The following CA3 variants were observed in gnomAD, a reference collection of about 807,000 sequenced individuals.
CA3 encodes the protein carbonic anhydrase 3.
CA3 carries 30 observed loss-of-function variants against 35.7 expected under a neutral mutation model. That is an observed-to-expected ratio of 0.84 (90% CI 0.63 to 1.14). CA3 has a LOEUF of 1.14. CA3 is among the 50% of genes most tolerant of loss of function. CA3 has a pLI of 0.00. For synonymous variants in CA3, 131 were observed against 130.8 expected (o/e 1.00, Z -0.01); for missense variants, 295 against 328.5 (o/e 0.90, Z 0.79).
chr8:85,445,084 A>G, intron 4 of CA3, 72 bp from the exon 5 acceptor site: 1 of 990,468 alleles, frequency 1.0e-6, no homozygotes, highest in South Asian at 1.5e-5. Context: ...GATGGATCAA[A>G]ATCAGCTTTG....
At chr8:85,440,948 G>T (rs1420478182) in intron 2 of CA3, among the ~76,000 whole-genome samples, 1 of 152,146 alleles carries the variant, frequency 6.6e-6, no homozygotes, top group Non-Finnish European at 1.5e-5. Context: ...ATATGAAAAT[G>T]CCATTTTTGT....
intron 6 of CA3, among the ~76,000 whole-genome samples, chr8:85,446,621 G>T (rs1296546091): frequency 6.6e-6 from 1 of 152,208 alleles, no homozygotes; most frequent in Non-Finnish European, 1.5e-5. Flanking sequence ...CTGAGCACTG[G>T]TAAGGAGATG....
chr8:85,447,791 C>T lies in CA3; in HGVS notation c.664-243C>T, dbSNP rs145268726. Among the ~76,000 whole-genome samples, 311 of 152,138 alleles carry T rather than the reference C, an allele frequency of 2.0e-3. 1 individual carries two copies. Among genetic ancestry groups the T allele is most frequent in the African/African-American group, 6.9e-3 (285 of 41,496 alleles). On this transcript the variant is annotated intron_variant, in intron 6 of 6. Coordinates refer to ENST00000285381, the MANE Select transcript of CA3 (RefSeq NM_005181.4). ...GTGAACACCTGTAATCCCAGCTATT[C>T]GGGAGGCTGAGGCAGGAGAATCGCT...
At position 85,440,663 on chromosome 8, in the gene CA3, T is replaced by C. The variant is rs920229469; in HGVS notation, c.232+754T>C. 3.9e-5 allele frequency among the ~76,000 whole-genome samples: 6 copies of C among 152,342 alleles called. No homozygotes were observed. In the East Asian group the frequency reaches 1.2e-3, roughly 29 times the overall value. ...AAGAAAGAATCTTCCTTTAATATTT[T>C]GGTGCTTGATATACAGCAAAATAAT... On this transcript the variant is annotated intron_variant, in intron 2 of 6. Coordinates refer to ENST00000285381, the MANE Select transcript of CA3 (RefSeq NM_005181.4).
chr8:85,447,987 CA>C, intron 6 of CA3, 46 bp from the exon 7 acceptor site: 7 of 1,580,176 alleles, frequency 4.4e-6, no homozygotes, highest in Non-Finnish European at 6.0e-6. Flanking sequence ...GTAGTGTGTC[CA>C]GTTGATCCGA....
In CA3 at chr8:85,442,091, T is replaced by C; in HGVS notation, c.251T>C (p.Leu84Pro). 1 of 1,564,364 alleles carries C rather than the reference T, an allele frequency of 6.4e-7. No homozygotes were observed. The highest frequency in any genetic ancestry group is 8.8e-7 in the Non-Finnish European group (1 of 1,134,548). ...YDRSMLRGGPLPGPYRLRQFH... is the reference protein window; with the variant it reads ...YDRSMLRGGPPPGPYRLRQFH... The stretch of plus-strand genomic sequence containing the variant: ...ATCACAGTGCTGAGAGGGGGTCCTC[T>C]CCCTGGACCCTACCGACTTCGCCAG... The change falls in exon 3 of 7, where the codon CTC becomes CCC. Residue 84 changes from leucine (L) to proline (P), a missense_variant. Leu to Pro is a moderately conservative substitution (Grantham distance 98). Coordinates refer to ENST00000285381, the MANE Select transcript of CA3 (RefSeq NM_005181.4).
At chr8:85,446,527 G>A (rs569259638) in intron 6 of CA3, among the ~76,000 whole-genome samples, 28 of 152,228 alleles carry the variant, frequency 1.8e-4, no homozygotes, top group Non-Finnish European at 3.4e-4. Context: ...TTTTGATACC[G>A]AACATGACTG....
At position 85,439,786 on chromosome 8, in the gene CA3, G is replaced by C; in HGVS notation, c.109G>C (p.Asp37His). ...NQSPVELHTK[D>H]IRHDPSLQPW... is the part of the protein sequence containing the mutation. ...GTCGCCCGTTGAGCTGCATACTAAA[G>C]ACATCAGGCATGACCCTTCTCTGCA... is the stretch of plus-strand genomic sequence containing the variant. The change falls in exon 2 of 7, where the codon GAC (aspartate) becomes CAC (histidine). Residue 37 changes from aspartate to histidine, a missense_variant. Transcript: ENST00000285381. 1 of 1,614,076 alleles carries C rather than the reference G, an allele frequency of 6.2e-7. No homozygotes were observed. Among genetic ancestry groups the C allele is most frequent in the Non-Finnish European group, 8.5e-7 (1 of 1,179,960 alleles).
At chr8:85,446,385 T>A in intron 6 of CA3, 88 bp downstream of exon 6, 1 of 1,436,252 alleles carries the variant, frequency 7.0e-7, no homozygotes, top group South Asian at 1.3e-5. Context: ...AGCTACTAAC[T>A]GGATACTCAC....
chr8:85,442,204 GC>G lies in CA3; in HGVS notation c.351+15del. 1 of 1,322,900 alleles carries G rather than the reference GC, an allele frequency of 7.6e-7. No homozygotes were observed. The highest frequency in any genetic ancestry group is 1.1e-6 in the Non-Finnish European group (1 of 914,094). 81.9% of individuals were successfully genotyped at this position (1,322,900 alleles called of 1,614,324 possible). ...GTATGCAGCGGAGGTAAGAGGAACT[GC>G]CATAATCCATTCTCGGTCTCATACA... On this transcript the variant is annotated intron_variant, in intron 3 of 6. Coordinates refer to ENST00000285381, the MANE Select transcript of CA3 (RefSeq NM_005181.4).
intron 2 of CA3, chr8:85,441,775 A>G (rs1408377727): frequency 2.9e-6 from 1 of 345,644 alleles, no homozygotes; most frequent in East Asian, 6.6e-5. Flanking sequence ...CTTTGGGTGT[A>G]TGCATCCTCA....
At position 85,439,841 on chromosome 8, in the gene CA3, C is replaced by T. The variant is rs1371351035; in HGVS notation, c.164C>T (p.Ser55Phe). ...QPWSVSYDGG[S>F]AKTILNNGKT... The stretch of plus-strand genomic sequence containing the variant: ...TGGTCTGTGTCTTATGATGGTGGCT[C>T]TGCCAAGACCATCCTGAATAATGGG... The change falls in exon 2 of 7, where the codon TCT becomes TTT. Residue 55 changes from serine (S) to phenylalanine (F), a missense_variant. Transcript: ENST00000285381. 3 of 1,613,874 alleles carry T rather than the reference C, an allele frequency of 1.9e-6. No individual in the cohort carries two copies. Among genetic ancestry groups the T allele is most frequent in the Non-Finnish European group, 2.5e-6 (3 of 1,180,018 alleles).
At chr8:85,445,870 T>A (rs1352226497) in intron 5 of CA3, among the ~76,000 whole-genome samples, 1 of 152,212 alleles carries the variant, frequency 6.6e-6, no homozygotes, top group Non-Finnish European at 1.5e-5. Flanking sequence ...TTCTCCTTTT[T>A]CTTGAGTGAT....
chr8:85,445,336 G>C, intron 5 of CA3, 118 bp downstream of exon 5: 2 of 599,036 alleles, frequency 3.3e-6, no homozygotes, highest in Non-Finnish European at 5.8e-6. Context: ...GATATGCTAA[G>C]CATACATATA....
In CA3 at chr8:85,448,902, A is replaced by G. The variant is rs1485428081; in HGVS notation, c.*749A>G. On this transcript the variant is annotated 3_prime_UTR_variant, in exon 7 of 7. Transcript: ENST00000285381. ...CTACATTTTTCTTTGCATGATTATT[A>G]AAATAAAAACTGCCTCTGTTGTGTT... 6.6e-6 allele frequency: 1 copy of G among 152,208 alleles called. No homozygotes were observed. The highest frequency in any genetic ancestry group is 1.9e-4 in the East Asian group (1 of 5,196). 9.4% of individuals were successfully genotyped at this position (152,208 alleles called of 1,614,324 possible).
chr8:85,439,682 T>C lies in CA3; in HGVS notation c.35-30T>C, dbSNP rs1585997372. On this transcript the variant is annotated intron_variant, in intron 1 of 6. Coordinates refer to ENST00000285381, the MANE Select transcript of CA3 (RefSeq NM_005181.4). ...AGAGGCCTTGGGTTGTGCCACCAAA[T>C]AAATACATCTCCTCGACTTTATTTC... The C allele has an allele frequency of 1.9e-6, 3 of 1,568,860 alleles. No individual in the cohort carries two copies. The East Asian group carries it at 6.8e-5, about 35-fold the overall frequency.
intron 2 of CA3, among the ~76,000 whole-genome samples, chr8:85,441,183 A>G (rs1164973496): frequency 6.6e-6 from 1 of 152,194 alleles, no homozygotes; most frequent in Non-Finnish European, 1.5e-5. Flanking sequence ...CTTCTAAAAT[A>G]GCTATGCTCT....
At chr8:85,440,565 C>T in intron 2 of CA3, among the ~76,000 whole-genome samples, 1 of 152,146 alleles carries the variant, frequency 6.6e-6, no homozygotes, top group East Asian at 1.9e-4. Context: ...CTTTATTTCA[C>T]CTACACTAGT....
Position 85,444,064 on chromosome 8 carries a change from AACACTTTT to A in CA3, c.384_391del (p.Asn128LysfsTer22). 1 of 1,613,700 alleles carries A rather than the reference AACACTTTT, an allele frequency of 6.2e-7. No homozygotes were observed. The highest frequency in any genetic ancestry group is 8.5e-7 in the Non-Finnish European group (1 of 1,179,580). On this transcript the variant is annotated frameshift_variant, in exon 4 of 7. Coordinates refer to ENST00000285381, the MANE Select transcript of CA3 (RefSeq NM_005181.4). LOFTEE classifies it high-confidence loss of function. Reference sequence around the variant, plus strand: ...TTTGGTTCACTGGAACCCGAAGTATAACACTTTTAAAGAAGCCCTGAAGCAGCGCGATG... The same window carrying A: ...TTTGGTTCACTGGAACCCGAAGTATAAAAGAAGCCCTGAAGCAGCGCGATG...
Sources: allele counts gnomAD v4.1 joint callset (sites outside exome capture counted in the v4.1 genomes callset), GRCh38; gene constraint gnomAD v4.1.1; transcripts MANE v1.5; gene names NCBI Gene and HGNC (gene_info 2026-07-23, HGNC 2026-07-21).